The following DGAT2L6 variants were observed in gnomAD, a reference collection of about 807,000 sequenced individuals.
DGAT2L6 encodes the protein diacylglycerol O-acyltransferase 2 like 6, also known as diacylglycerol O-acyltransferase 2-like protein 6.
In DGAT2L6, 22 loss-of-function variants were observed where a neutral mutation model predicts 25.5. That is an observed-to-expected ratio of 0.86 (90% CI 0.62 to 1.23). The LOEUF is 1.23. Ranked by LOEUF, DGAT2L6 falls within the 50% of genes most tolerant of loss-of-function variation. The pLI is 0.00. For synonymous variants in DGAT2L6, 100 were observed against 94.7 expected (o/e 1.06, Z -0.32); for missense variants, 287 against 253.2 (o/e 1.13, Z -0.91).
intron 1 of DGAT2L6, 76 bp from the exon 2 acceptor site, chrX:70,199,195 G>T: frequency 1.6e-6 from 1 of 631,835 alleles, no homozygotes; most frequent in Non-Finnish European, 2.5e-6. Context: ...GTAGTGTAGA[G>T]CAGAGGCCGG....
chrX:70,184,663 A>T (rs2085354215), intron 1 of DGAT2L6, among the ~76,000 whole-genome samples: 1 of 109,881 alleles, frequency 9.1e-6, no homozygotes, highest in Admixed American at 9.7e-5. Context: ...ACGAGGTCTC[A>T]CTATGTTGCC....
intron 4 of DGAT2L6, among the ~76,000 whole-genome samples, chrX:70,200,766 G>C: frequency 8.9e-6 from 1 of 111,828 alleles, no homozygotes; most frequent in East Asian, 2.8e-4. Context: ...TGAAAGCCAA[G>C]AATTAAACAC....
In DGAT2L6 at chrX:70,204,458, G is replaced by T. The variant is rs140170619; in HGVS notation, c.801G>T (p.Arg267=). 9.0e-5 allele frequency: 109 copies of T among 1,209,535 alleles called. No homozygotes were observed. In the African/African-American group the frequency reaches 1.5e-3, roughly 17 times the overall value. ...TAAATTTCTGTACCTTCCATGGCCGGGGCTTCACTCGCGGATCCTGGGGCT... is the reference window on the plus strand; with the variant it reads ...TAAATTTCTGTACCTTCCATGGCCGTGGCTTCACTCGCGGATCCTGGGGCT... ...LGLNFCTFHG[R]GFTRGSWGFL... is the part of the protein sequence containing the mutation. The change falls in exon 6 of 7, where the codon CGG becomes CGT. Residue 267 remains arginine, a synonymous_variant. Transcript: ENST00000333026.
At chrX:70,182,469 CTTTTTTT>C (rs1171530335) in intron 1 of DGAT2L6, among the ~76,000 whole-genome samples, 5 of 49,137 alleles carry the variant, frequency 1.0e-4, no homozygotes, top group African/African-American at 2.1e-4. Flanking sequence ...TCAAAAGCAT[CTTTTTTT>C]TTTTTTTTTT....
intron 1 of DGAT2L6, among the ~76,000 whole-genome samples, chrX:70,187,812 G>A (rs1461058554): frequency 8.9e-6 from 1 of 112,063 alleles, no homozygotes; most frequent in Non-Finnish European, 1.9e-5. Flanking sequence ...TATCTGGAAG[G>A]CAGAACTGGC....
Position 70,204,354 on chromosome X carries a change from C to G in DGAT2L6, c.697C>G (p.Gln233Glu). 8.3e-7 allele frequency: 1 copy of G among 1,210,585 alleles called. No individual in the cohort carries two copies. Among genetic ancestry groups the G allele is most frequent in the Middle Eastern group, 2.3e-4 (1 of 4,349 alleles). Residue 233 changes from glutamine (Q) to glutamate (E), a missense_variant, in exon 6 of 7, where the codon CAG becomes GAG. Physicochemically the swap from Gln to Glu is conservative, Grantham distance 29. Coordinates refer to ENST00000333026, the MANE Select transcript of DGAT2L6 (RefSeq NM_198512.3). ...CTTTGGTGAGAACGAAGTTTTCAAT[C>G]AGGAGACCTTCCCTGAGGGCACGTG... ...YSFGENEVFN[Q>E]ETFPEGTWLR... is the part of the protein sequence containing the mutation.
chrX:70,201,288 G>A (rs1266960379), intron 4 of DGAT2L6, among the ~76,000 whole-genome samples: 4 of 112,409 alleles, frequency 3.6e-5, no homozygotes, highest in Admixed American at 9.4e-5. Flanking sequence ...AATAGAAGGT[G>A]AGCGCAGGGC....
chrX:70,200,310 C>T lies in DGAT2L6; in HGVS notation c.323C>T (p.Pro108Leu). ...PKHNYIIANHPHGILSFGVFI... is the reference protein window; with the variant it reads ...PKHNYIIANHLHGILSFGVFI... The stretch of plus-strand genomic sequence containing the variant: ...CACAACTACATCATTGCCAATCACC[C>T]CCATGGCATTCTCTCTTTTGGTGTC... Residue 108 changes from proline (P) to leucine (L), a missense_variant, in exon 4 of 7, where the codon CCC (proline) becomes CTC (leucine). Physicochemically the swap from Pro to Leu is moderately conservative, Grantham distance 98. Transcript: ENST00000333026. 8.3e-7 allele frequency: 1 copy of T among 1,211,330 alleles called. No homozygotes were observed. The highest frequency in any genetic ancestry group is 1.1e-6 in the Non-Finnish European group (1 of 895,223).
At chrX:70,186,604 A>G (rs373245131) in intron 1 of DGAT2L6, among the ~76,000 whole-genome samples, 223 of 112,109 alleles carry the variant, frequency 2.0e-3, no homozygotes, top group African/African-American at 6.6e-3. Flanking sequence ...CTCTTTCCAC[A>G]GCTGTGTACC....
intron 3 of DGAT2L6, 145 bp from the exon 4 acceptor site, chrX:70,200,110 G>A: frequency 1.5e-6 from 1 of 659,701 alleles, no homozygotes; most frequent in Non-Finnish European, 2.3e-6. Flanking sequence ...GTGAGCCCTG[G>A]CAATCCTATG....
intron 1 of DGAT2L6, among the ~76,000 whole-genome samples, chrX:70,182,174 T>A (rs750209524): frequency 9.1e-6 from 1 of 110,322 alleles, no homozygotes; most frequent in East Asian, 2.9e-4. Context: ...ATAGAGAAAA[T>A]GGAGGAAAGG....
At position 70,200,374 on chromosome X, in the gene DGAT2L6, G is replaced by A. The variant is rs2085405882; in HGVS notation, c.387G>A (p.Arg129=). The change falls in exon 4 of 7, where the codon CGG becomes CGA. Residue 129 remains arginine, a synonymous_variant. Transcript: ENST00000333026. Reference sequence around the variant, plus strand: ...CCACTGAGGCCACTGGCATTGCTCGGATTTTCCCATCCATCACTCCCTTTG... The same window carrying A: ...CCACTGAGGCCACTGGCATTGCTCGAATTTTCCCATCCATCACTCCCTTTG... The part of the protein sequence containing the change: ...NFATEATGIA[R]IFPSITPFVG... 9.1e-6 allele frequency: 11 copies of A among 1,211,800 alleles called. No individual in the cohort carries two copies. Among genetic ancestry groups the A allele is most frequent in the Non-Finnish European group, 1.2e-5 (11 of 895,484 alleles).
intron 6 of DGAT2L6, among the ~76,000 whole-genome samples, 174 bp downstream of exon 6, chrX:70,204,690 G>A (rs2085422709): frequency 8.9e-6 from 1 of 112,103 alleles, no homozygotes; most frequent in South Asian, 3.7e-4. Context: ...ATTCATGGAT[G>A]TGACATCAGC....
intron 1 of DGAT2L6, among the ~76,000 whole-genome samples, chrX:70,196,780 A>G (rs938902684): frequency 9.9e-5 from 11 of 111,514 alleles, no homozygotes; most frequent in Non-Finnish European, 1.9e-4. Context: ...TCCAAAATGC[A>G]TAAAGAACTA....
chrX:70,190,063 A>G (rs2085371067), intron 1 of DGAT2L6, among the ~76,000 whole-genome samples: 2 of 112,261 alleles, frequency 1.8e-5, no homozygotes, highest in Admixed American at 1.9e-4. Context: ...AGCAATCAAG[A>G]CAGTGATGTA....
intron 5 of DGAT2L6, 119 bp from the exon 6 acceptor site, chrX:70,204,186 T>A (rs1052115991): frequency 1.9e-6 from 1 of 536,365 alleles, no homozygotes; most frequent in South Asian, 3.2e-5. Context: ...AAGATGGAGA[T>A]GTTTGGGTGC....
chrX:70,179,692 C>T (rs1347062887), intron 1 of DGAT2L6, among the ~76,000 whole-genome samples: 2 of 106,741 alleles, frequency 1.9e-5, no homozygotes, highest in African/African-American at 7.0e-5. Flanking sequence ...TTCAGCTTCC[C>T]GAGTAGCCGG....
chrX:70,199,951 GT>G, intron 3 of DGAT2L6, 69 bp downstream of exon 3: 1 of 1,044,931 alleles, frequency 9.6e-7, no homozygotes. Context: ...TCAGCTCCAT[GT>G]TTTCAGAGGC....
chrX:70,192,869 T>C (rs1200890990), intron 1 of DGAT2L6, among the ~76,000 whole-genome samples: 9 of 111,644 alleles, frequency 8.1e-5, no homozygotes, highest in African/African-American at 2.6e-4. Flanking sequence ...ACATTACACC[T>C]GATGACACAG....
Sources: allele counts gnomAD v4.1 joint callset (sites outside exome capture counted in the v4.1 genomes callset), GRCh38; gene constraint gnomAD v4.1.1; transcripts MANE v1.5; gene names NCBI Gene and HGNC (gene_info 2026-07-23, HGNC 2026-07-21).